CYP20A1: variants seen among roughly 807,000 people sequenced by gnomAD.
CYP20A1 encodes the protein cytochrome P450 family 20 subfamily A member 1.
A neutral mutation model predicts 61.4 loss-of-function variants in CYP20A1; 61 were observed. That is an observed-to-expected ratio of 0.99 (90% CI 0.81 to 1.23). The LOEUF (loss-of-function observed/expected upper bound fraction) is 1.23, where lower values mean the gene tolerates loss of function less well. Ranked by LOEUF, CYP20A1 falls within the 50% of genes most tolerant of loss-of-function variation. The pLI, the probability that CYP20A1 is intolerant of heterozygous loss-of-function variation, is 0.00. For missense variants in CYP20A1, 530 were observed against 542.4 expected (o/e 0.98, Z 0.23); for synonymous variants, 193 against 188.2 (o/e 1.03, Z -0.21).
chr2:203,245,640 A>G (rs930444924), intron 1 of CYP20A1, among the ~76,000 whole-genome samples: 1 of 152,178 alleles, frequency 6.6e-6, no homozygotes, highest in Non-Finnish European at 1.5e-5. Flanking sequence ...AATGGCCTCC[A>G]GCTCCATCTG....
intron 10 of CYP20A1, among the ~76,000 whole-genome samples, chr2:203,292,011 G>A (rs1211546115): frequency 6.6e-6 from 1 of 152,078 alleles, no homozygotes; most frequent in Non-Finnish European, 1.5e-5. Context: ...CATGAACTCT[G>A]GATGCAGATT....
At position 203,249,895 on chromosome 2, in the gene CYP20A1, T is replaced by C. The variant is rs891165061; in HGVS notation, c.290-2072T>C. On this transcript the variant is annotated intron_variant, in intron 3 of 12. Coordinates refer to ENST00000356079, the MANE Select transcript of CYP20A1 (RefSeq NM_177538.3). Reference sequence around the variant, plus strand: ...GAAAAATGGGCAAAAACAAGCTCATTAAGAAAGGAGTAAACAAATTTAAAG... The same window carrying C: ...GAAAAATGGGCAAAAACAAGCTCATCAAGAAAGGAGTAAACAAATTTAAAG... Among the ~76,000 whole-genome samples, 5 of 152,138 alleles carry C rather than the reference T, an allele frequency of 3.3e-5. No individual in the cohort carries two copies. The South Asian group carries it at 1.0e-3, about 32-fold the overall frequency.
At chr2:203,272,571 A>AAAT in intron 5 of CYP20A1, 99 bp from the exon 6 acceptor site, 2 of 500,140 alleles carry the variant, frequency 4.0e-6, no homozygotes, top group East Asian at 4.9e-5. Context: ...AAAAAAAAAA[A>AAAT]GAGTTAAAGA....
At position 203,244,364 on chromosome 2, in the gene CYP20A1, G is replaced by A. The variant is rs371785317; in HGVS notation, c.73-1482G>A. Among the ~76,000 whole-genome samples, 9 of 152,090 alleles carry A rather than the reference G, an allele frequency of 5.9e-5. 1 individual carries two copies. Among genetic ancestry groups the A allele is most frequent in the African/African-American group, 2.2e-4 (9 of 41,498 alleles). On this transcript the variant is annotated intron_variant, in intron 1 of 12. Coordinates refer to ENST00000356079, the MANE Select transcript of CYP20A1 (RefSeq NM_177538.3). ...CTACAGGAGTGTGCCACCATGCCCA[G>A]CTAATTTTTGTATTTTTAGTACAGA...
rs1181746840 is a variant in CYP20A1 at position 203,285,653 on chromosome 2, G to T, written c.892G>T (p.Val298Phe). ...AICFLTTSEEVQKKLYEEINQ... is the reference protein window; with the variant it reads ...AICFLTTSEEFQKKLYEEINQ... ...CTGTTTTTTAACCACCTCTGAAGAAGTTCAAAAAAAATTATATGAAGAGAT... is the reference window on the plus strand; with the variant it reads ...CTGTTTTTTAACCACCTCTGAAGAATTTCAAAAAAAATTATATGAAGAGAT... Residue 298 changes from valine to phenylalanine, a missense_variant, in exon 9 of 13, where the codon GTT (valine) becomes TTT (phenylalanine). Coordinates refer to ENST00000356079, the MANE Select transcript of CYP20A1 (RefSeq NM_177538.3). The T allele has an allele frequency of 6.2e-7, 1 of 1,602,436 alleles. No homozygotes were observed. Among genetic ancestry groups the T allele is most frequent in the East Asian group, 2.2e-5 (1 of 44,552 alleles).
At chr2:203,291,070 A>G (rs192643529) in intron 10 of CYP20A1, among the ~76,000 whole-genome samples, 100 of 152,076 alleles carry the variant, frequency 6.6e-4, no homozygotes, top group Middle Eastern at 6.8e-3. Flanking sequence ...GTCCATGTAT[A>G]TGTTCAGTTA....
intron 4 of CYP20A1, among the ~76,000 whole-genome samples, chr2:203,263,554 C>T (rs1002694019): frequency 6.6e-6 from 1 of 152,170 alleles, no homozygotes; most frequent in African/African-American, 2.4e-5. Context: ...CCCCAAAATG[C>T]TGGAATTACC....
chr2:203,251,860 C>T, intron 3 of CYP20A1, 107 bp from the exon 4 acceptor site: 1 of 593,594 alleles, frequency 1.7e-6, no homozygotes, highest in Non-Finnish European at 2.5e-6. Flanking sequence ...AAAACAGTTG[C>T]CATGCTTTCA....
At position 203,239,890 on chromosome 2, in the gene CYP20A1, T is replaced by G. The variant is rs1430536274; in HGVS notation, c.72+756T>G. ...AGGCGGGCGGATCACGAGGTCAGGA[T>G]ATCGAGACCATCCTGGCCAACATGG... On this transcript the variant is annotated intron_variant, in intron 1 of 12. Transcript: ENST00000356079. 3.3e-5 allele frequency among the ~76,000 whole-genome samples: 5 copies of G among 152,164 alleles called. No homozygotes were observed. In the East Asian group the frequency reaches 9.7e-4, roughly 29 times the overall value.
chr2:203,265,191 G>A (rs1483434374), intron 4 of CYP20A1, among the ~76,000 whole-genome samples: 1 of 152,050 alleles, frequency 6.6e-6, no homozygotes, highest in African/African-American at 2.4e-5. Context: ...ATTGTAGAGG[G>A]CTATCCTGTG....
At chr2:203,247,547 C>T (rs1459131617) in intron 3 of CYP20A1, among the ~76,000 whole-genome samples, 1 of 151,936 alleles carries the variant, frequency 6.6e-6, no homozygotes, top group Admixed American at 6.6e-5. Context: ...CATGAGCAAC[C>T]AGGAAACAAT....
chr2:203,278,636 G>C lies in CYP20A1; in HGVS notation c.743G>C (p.Ser248Thr), dbSNP rs766993014. 5.0e-6 allele frequency: 8 copies of C among 1,607,488 alleles called. No individual in the cohort carries two copies. The highest frequency in any genetic ancestry group is 6.8e-6 in the Non-Finnish European group (8 of 1,176,848). Reference protein sequence around the residue: ...IIKERKGRNFSQHIFIDSLVQ... With the variant: ...IIKERKGRNFTQHIFIDSLVQ... The stretch of plus-strand genomic sequence containing the variant: ...AAAGAACGAAAAGGAAGGAACTTCA[G>C]TCAACATATTTTCATTGACTCCTTA... Residue 248 changes from serine (S) to threonine (T), a missense_variant, in exon 7 of 13, where the codon AGT becomes ACT. Ser to Thr is a moderately conservative substitution (Grantham distance 58). Coordinates refer to ENST00000356079, the MANE Select transcript of CYP20A1 (RefSeq NM_177538.3).
chr2:203,288,065 T>C (rs201460336), intron 9 of CYP20A1, among the ~76,000 whole-genome samples: 49 of 70,810 alleles, frequency 6.9e-4, no homozygotes, highest in East Asian at 2.6e-3. Flanking sequence ...CTCTCTCTTT[T>C]TTTTTTTTTT....
chr2:203,239,264 A>G (rs1289569006), intron 1 of CYP20A1, 130 bp downstream of exon 1: 1 of 763,422 alleles, frequency 1.3e-6, no homozygotes, highest in East Asian at 2.7e-5. Flanking sequence ...TTCGCTCCAG[A>G]GCTTCAGCGC....
Position 203,251,967 on chromosome 2 carries a change from C to T in CYP20A1, c.290C>T (p.Ser97Leu), listed in dbSNP as rs2043449. The T allele has an allele frequency of 0.95, 1,465,921 of 1,548,476 alleles. 696,139 individuals are homozygous for T. The highest frequency in any genetic ancestry group is 0.96 in the Non-Finnish European group (1,097,783 of 1,143,980). Reference sequence around the variant, plus strand: ...GAAATATTTAATTTGTCTGTTTCAGCGGACCCTTTTGAAACCATGCTGAAG... The same window carrying T: ...GAAATATTTAATTTGTCTGTTTCAGTGGACCCTTTTGAAACCATGCTGAAG... ...LKQHINPNKTSDPFETMLKSL... is the reference protein window; with the variant it reads ...LKQHINPNKTLDPFETMLKSL... Residue 97 changes from serine to leucine, a missense_variant and splice_region_variant, in exon 4 of 13, where the codon TCG (serine) becomes TTG (leucine). Transcript: ENST00000356079.
intron 4 of CYP20A1, among the ~76,000 whole-genome samples, chr2:203,255,227 C>G (rs2066851721): frequency 6.6e-6 from 1 of 152,056 alleles, no homozygotes. Context: ...TCTGATGAAA[C>G]CTTCAACTCC....
chr2:203,294,644 CTTTT>C, intron 11 of CYP20A1, among the ~76,000 whole-genome samples: 1 of 148,878 alleles, frequency 6.7e-6, no homozygotes, highest in East Asian at 2.0e-4. Flanking sequence ...CAACGTGTAT[CTTTT>C]TTTTTTGGAC....
chr2:203,265,386 A>C lies in CYP20A1; in HGVS notation c.433-1128A>C, dbSNP rs375356299. The stretch of plus-strand genomic sequence containing the variant: ...GGCATTCTTGGCTTATTATAATCTA[A>C]TGTCAGTGATAACTTTTACCAATTA... On this transcript the variant is annotated intron_variant, in intron 4 of 12. Transcript: ENST00000356079. 5.3e-5 allele frequency among the ~76,000 whole-genome samples: 8 copies of C among 152,306 alleles called. No homozygotes were observed. The South Asian group carries it at 1.0e-3, about 20-fold the overall frequency.
At chr2:203,290,635 T>A (rs2068493369) in intron 10 of CYP20A1, among the ~76,000 whole-genome samples, 1 of 152,122 alleles carries the variant, frequency 6.6e-6, no homozygotes. Flanking sequence ...GAATGTACCA[T>A]GATTTATTTT....
Sources: allele counts gnomAD v4.1 joint callset (sites outside exome capture counted in the v4.1 genomes callset), GRCh38; gene constraint gnomAD v4.1.1; transcripts MANE v1.5; gene names NCBI Gene and HGNC (gene_info 2026-07-23, HGNC 2026-07-21).